The following ZNF462 variants were observed in gnomAD, a reference collection of about 807,000 sequenced individuals.
The protein encoded by ZNF462 is zinc finger protein 462.
ZNF462 carries 10 observed loss-of-function variants against 201.9 expected under a neutral mutation model. That is an observed-to-expected ratio of 0.05 (90% CI 0.03 to 0.08). The LOEUF (loss-of-function observed/expected upper bound fraction) is 0.08. Among genes scored for constraint, ZNF462 ranks in the 10% least tolerant of loss-of-function variants. The pLI is 1.00. For synonymous variants in ZNF462, 1,227 were observed against 1,193.3 expected (o/e 1.03, Z -0.58); for missense variants, 2,523 against 3,168.3 (o/e 0.80, Z 4.89).
At chr9:106,893,908 T>A (rs149830115) in intron 1 of ZNF462, among the ~76,000 whole-genome samples, 290 of 152,326 alleles carry the variant, frequency 1.9e-3, no homozygotes, top group African/African-American at 6.5e-3. Flanking sequence ...AAGTGCTGCC[T>A]ACAAACCTCT....
intron 6 of ZNF462, among the ~76,000 whole-genome samples, chr9:106,937,002 T>C (rs138617878): frequency 1.8e-3 from 271 of 152,322 alleles, no homozygotes; most frequent in South Asian, 5.6e-3. Flanking sequence ...TGACATTGCT[T>C]TGAGTGACTG....
In ZNF462 at chr9:106,938,745, G is replaced by A. The variant is rs1830737232; in HGVS notation, c.6236-171G>A. ...CTCATGGAAGAGTTTCAACTCCAAA[G>A]GAGTACTGTGGTTGTGGCAGGTTGT... On this transcript the variant is annotated intron_variant, in intron 6 of 12. Transcript: ENST00000277225. This position sits in a 1 kb window ranked among gnomAD's most constrained non-coding sequence, Gnocchi z 4.4. Among the ~76,000 whole-genome samples the A allele has an allele frequency of 6.6e-6, 1 of 152,240 alleles. No homozygotes were observed. The highest frequency in any genetic ancestry group is 2.4e-5 in the African/African-American group (1 of 41,470).
rs1826700893 is a variant in ZNF462, at chr9:106,972,893, A to T, written c.6695+621A>T. Among the ~76,000 whole-genome samples, 5 of 152,160 alleles carry T rather than the reference A, an allele frequency of 3.3e-5. No individual in the cohort carries two copies. The South Asian group carries it at 1.0e-3, about 32-fold the overall frequency. On this transcript the variant is annotated intron_variant, in intron 8 of 12. Coordinates refer to ENST00000277225, the MANE Select transcript of ZNF462 (RefSeq NM_021224.6). The surrounding 1 kb of genome is among the most constrained non-coding windows in gnomAD (Gnocchi z 4.8). ...TGGAATGCTTCCTATGATGTAATCT[A>T]AGCTTCTGCATTTGAATCTCATCCT...
chr9:106,964,631 C>T (rs1473908483), intron 7 of ZNF462, among the ~76,000 whole-genome samples: 2 of 152,050 alleles, frequency 1.3e-5, no homozygotes, highest in East Asian at 3.9e-4. Context: ...TTTATGTTCT[C>T]AATCTTTTAT....
Position 106,890,967 on chromosome 9 carries a change from T to G in ZNF462, c.-31+27612T>G, listed in dbSNP as rs1019952893. 6.6e-6 allele frequency among the ~76,000 whole-genome samples: 1 copy of G among 152,246 alleles called. No individual in the cohort carries two copies. The highest frequency in any genetic ancestry group is 1.5e-5 in the Non-Finnish European group (1 of 68,050). Reference sequence around the variant, plus strand: ...TCTGGTTGAGTAAAGAATAAGATAGTCTTTTTCTTTTTTGGAAAAATCGTA... The same window carrying G: ...TCTGGTTGAGTAAAGAATAAGATAGGCTTTTTCTTTTTTGGAAAAATCGTA... On this transcript the variant is annotated intron_variant, in intron 1 of 12. Transcript: ENST00000277225. The surrounding 1 kb of genome is among the most constrained non-coding windows in gnomAD (Gnocchi z 4.2).
chr9:106,891,368 GA>G (rs1391180773), intron 1 of ZNF462, among the ~76,000 whole-genome samples: 1 of 151,994 alleles, frequency 6.6e-6, no homozygotes, highest in Non-Finnish European at 1.5e-5. Context: ...TGTGTCCTCT[GA>G]AAGTTTAAAA....
At chr9:106,864,797 C>G (rs929135710) in intron 1 of ZNF462, among the ~76,000 whole-genome samples, 4 of 152,090 alleles carry the variant, frequency 2.6e-5, no homozygotes. Flanking sequence ...TCTGTGTTGG[C>G]TGTTTGGTTT....
In ZNF462 at chr9:106,870,095, G is replaced by A. The variant is rs942654791; in HGVS notation, c.-31+6740G>A. Reference sequence around the variant, plus strand: ...ACGTACAGGATTTTTAAAGTGTTTGGATGTGTGATTCCAACACAAAGTTAA... The same window carrying A: ...ACGTACAGGATTTTTAAAGTGTTTGAATGTGTGATTCCAACACAAAGTTAA... On this transcript the variant is annotated intron_variant, in intron 1 of 12. Coordinates refer to ENST00000277225, the MANE Select transcript of ZNF462 (RefSeq NM_021224.6). This position sits in a 1 kb window ranked among gnomAD's most constrained non-coding sequence, Gnocchi z 4.3. Among the ~76,000 whole-genome samples, 3 of 152,156 alleles carry A rather than the reference G, an allele frequency of 2.0e-5. No homozygotes were observed. The highest frequency in any genetic ancestry group is 4.4e-5 in the Non-Finnish European group (3 of 68,034).
intron 7 of ZNF462, among the ~76,000 whole-genome samples, chr9:106,964,492 G>C (rs897256092): frequency 1.3e-5 from 2 of 151,932 alleles, no homozygotes; most frequent in Admixed American, 6.6e-5. Context: ...GAAGTTCCCT[G>C]TTTTCTCCCT....
At position 106,929,840 on chromosome 9, in the gene ZNF462, A is replaced by G. The variant is rs995032803; in HGVS notation, c.5847+81A>G. On this transcript the variant is annotated intron_variant, in intron 3 of 12. Coordinates refer to ENST00000277225, the MANE Select transcript of ZNF462 (RefSeq NM_021224.6). The surrounding 1 kb of genome is among the most constrained non-coding windows in gnomAD (Gnocchi z 8.7). ...ACATGCACTTCTTCGTTGCCAGCCA[A>G]ACTGCTGCAGGCTTCCTAGTGACTT... is the stretch of plus-strand genomic sequence containing the variant. The G allele has an allele frequency of 1.1e-5, 14 of 1,309,544 alleles. No individual in the cohort carries two copies. In the East Asian group the frequency reaches 3.4e-4, roughly 32 times the overall value. 81.1% of individuals were successfully genotyped at this position (1,309,544 alleles called of 1,614,324 possible).
At chr9:106,915,916 G>T (rs1268160178) in intron 1 of ZNF462, among the ~76,000 whole-genome samples, 4 of 152,184 alleles carry the variant, frequency 2.6e-5, no homozygotes, top group Non-Finnish European at 5.9e-5. Context: ...AAATAGACTG[G>T]AAGGGTTATT....
chr9:106,973,114 A>G (rs1826719060), intron 8 of ZNF462, among the ~76,000 whole-genome samples: 2 of 152,216 alleles, frequency 1.3e-5, no homozygotes, highest in Non-Finnish European at 1.5e-5. Flanking sequence ...TACTTAGAAT[A>G]GTGCCTGGCA....
chr9:106,915,719 G>C (rs184649966), intron 1 of ZNF462, among the ~76,000 whole-genome samples: 1 of 152,202 alleles, frequency 6.6e-6, no homozygotes, highest in Non-Finnish European at 1.5e-5. Flanking sequence ...CAGTCCCCTT[G>C]AGTAGGAGGA....
chr9:106,990,952 G>A (rs1202401690), intron 10 of ZNF462, among the ~76,000 whole-genome samples: 1 of 152,010 alleles, frequency 6.6e-6, no homozygotes, highest in South Asian at 2.1e-4. Flanking sequence ...TTGTTAGGGG[G>A]AAAGATATAC....
rs1829474260 is a variant in ZNF462, at chr9:107,005,360, AT to A, written c.7189+1936del. ...GCAACAGGAGTTCGCTTATCTCCAC[AT>A]TCTCTCTAGCATGTTATCTTCACTC... On this transcript the variant is annotated intron_variant, in intron 11 of 12. Transcript: ENST00000277225. The surrounding 1 kb of genome is among the most constrained non-coding windows in gnomAD (Gnocchi z 4.4). Among the ~76,000 whole-genome samples, 1 of 152,168 alleles carries A rather than the reference AT, an allele frequency of 6.6e-6. No individual in the cohort carries two copies. The highest frequency in any genetic ancestry group is 1.5e-5 in the Non-Finnish European group (1 of 68,022).
intron 10 of ZNF462, among the ~76,000 whole-genome samples, chr9:106,999,654 A>G (rs1022886943): frequency 6.6e-6 from 1 of 152,228 alleles, no homozygotes; most frequent in Non-Finnish European, 1.5e-5. Flanking sequence ...TGATAACAGC[A>G]ATGTAAATAA....
At chr9:106,910,405 G>A (rs1379802298) in intron 1 of ZNF462, among the ~76,000 whole-genome samples, 4 of 124,582 alleles carry the variant, frequency 3.2e-5, no homozygotes, top group Admixed American at 9.3e-5. Context: ...ATTTGTCTTC[G>A]AGGCATAACT....
In ZNF462 at chr9:106,919,393, C is replaced by T. The variant is rs1470944442; in HGVS notation, c.-30-3961C>T. Among the ~76,000 whole-genome samples the T allele has an allele frequency of 2.0e-5, 3 of 152,152 alleles. No homozygotes were observed. Among genetic ancestry groups the T allele is most frequent in the South Asian group, 4.1e-4 (2 of 4,826 alleles). ...GGAGGGAAAACTGAGGCAAATGGAT[C>T]TCTGGAATTCTGAGCACAGAAAGTA... On this transcript the variant is annotated intron_variant, in intron 1 of 12. Coordinates refer to ENST00000277225, the MANE Select transcript of ZNF462 (RefSeq NM_021224.6). The surrounding 1 kb of genome is among the most constrained non-coding windows in gnomAD (Gnocchi z 4.5).
chr9:106,894,397 T>C (rs1828722542), intron 1 of ZNF462, among the ~76,000 whole-genome samples: 1 of 152,238 alleles, frequency 6.6e-6, no homozygotes, highest in Non-Finnish European at 1.5e-5. Flanking sequence ...AAGATATTAG[T>C]TCAGTCTTCC....
Sources: allele counts gnomAD v4.1 joint callset (sites outside exome capture counted in the v4.1 genomes callset), GRCh38; gene constraint gnomAD v4.1.1; non-coding constraint Gnocchi (gnomAD v3.1); transcripts MANE v1.5; gene names NCBI Gene and HGNC (gene_info 2026-07-23, HGNC 2026-07-21).